The following PIAS1 variants were observed in gnomAD, a reference collection of about 807,000 sequenced individuals.
PIAS1 encodes protein inhibitor of activated STAT 1.
PIAS1 carries 6 observed loss-of-function variants against 71.3 expected under a neutral mutation model. The ratio of observed to expected loss-of-function variants is 0.08; its 90% CI spans 0.05 to 0.17. The LOEUF is 0.17. Among genes scored for constraint, PIAS1 ranks in the 10% least tolerant of loss-of-function variants. PIAS1 has a pLI of 1.00. For missense variants in PIAS1, 555 were observed against 793.6 expected (o/e 0.70, Z 3.61); for synonymous variants, 303 against 292.9 (o/e 1.03, Z -0.35).
intron 1 of PIAS1, among the ~76,000 whole-genome samples, chr15:68,072,120 C>T (rs915164754): frequency 2.0e-5 from 3 of 150,800 alleles, no homozygotes; most frequent in Non-Finnish European, 3.0e-5. Context: ...GGAAGTTGGC[C>T]GGGCGCAGTG....
intron 1 of PIAS1, among the ~76,000 whole-genome samples, chr15:68,064,993 C>G (rs1277821341): frequency 6.6e-6 from 1 of 152,092 alleles, no homozygotes; most frequent in Non-Finnish European, 1.5e-5. Context: ...GATCGCCTGC[C>G]TCGGCCTCCC....
chr15:68,180,174 T>C (rs1315655733), intron 11 of PIAS1, among the ~76,000 whole-genome samples: 1 of 152,180 alleles, frequency 6.6e-6, no homozygotes, highest in African/African-American at 2.4e-5. Context: ...CAATCACGGC[T>C]CATGCAGCCT....
At chr15:68,157,209 G>C (rs1413112240) in intron 7 of PIAS1, among the ~76,000 whole-genome samples, 1 of 152,186 alleles carries the variant, frequency 6.6e-6, no homozygotes, top group Non-Finnish European at 1.5e-5. Flanking sequence ...GATGGGATGA[G>C]ACATCCAGGT....
intron 2 of PIAS1, among the ~76,000 whole-genome samples, chr15:68,087,624 A>G (rs1183268666): frequency 6.6e-6 from 1 of 152,210 alleles, no homozygotes; most frequent in Non-Finnish European, 1.5e-5. Context: ...AAACAAAAAC[A>G]AAGAATGTGT....
chr15:68,178,137 C>A lies in PIAS1; in HGVS notation c.1481+1483C>A, dbSNP rs1160090743. On this transcript the variant is annotated intron_variant, in intron 11 of 13. Transcript: ENST00000249636. This position sits in a 1 kb window ranked among gnomAD's most constrained non-coding sequence, Gnocchi z 4.2. ...ACCAAAAAATTAGCTGGGTATGGCA[C>A]TGTGTGCCTGTTGTCCCAACTACTC... is the stretch of plus-strand genomic sequence containing the variant. 6.6e-6 allele frequency among the ~76,000 whole-genome samples: 1 copy of A among 152,174 alleles called. No individual in the cohort carries two copies. The highest frequency in any genetic ancestry group is 2.4e-5 in the African/African-American group (1 of 41,440).
At chr15:68,080,355 A>G (rs972398863) in intron 1 of PIAS1, among the ~76,000 whole-genome samples, 38 of 152,246 alleles carry the variant, frequency 2.5e-4, no homozygotes, top group African/African-American at 5.3e-4. Context: ...TGGGACCTCA[A>G]TGCAGTCAAT....
At chr15:68,177,699 G>T (rs1332795948) in intron 11 of PIAS1, among the ~76,000 whole-genome samples, 1 of 152,188 alleles carries the variant, frequency 6.6e-6, no homozygotes, top group Non-Finnish European at 1.5e-5. Context: ...TTTCTGGGGG[G>T]TGGTAAAACA....
At chr15:68,105,411 A>T (rs893260026) in intron 2 of PIAS1, among the ~76,000 whole-genome samples, 1 of 151,828 alleles carries the variant, frequency 6.6e-6, no homozygotes, top group Non-Finnish European at 1.5e-5. Context: ...AGTCAAGATT[A>T]TATTTATGTA....
Position 68,096,138 on chromosome 15 carries a change from T to C in PIAS1, c.469+9388T>C, listed in dbSNP as rs74020031. ...ATAATCTGCAGTTCCTAGAATTTTA[T>C]TTAAATGTTTATTTTGAAACTATAT... is the stretch of plus-strand genomic sequence containing the variant. On this transcript the variant is annotated intron_variant, in intron 2 of 13. Transcript: ENST00000249636. Among the ~76,000 whole-genome samples, 677 of 152,346 alleles carry C rather than the reference T, an allele frequency of 4.4e-3. 6 individuals carry two copies. Among genetic ancestry groups the C allele is most frequent in the African/African-American group, 0.015 (624 of 41,582 alleles).
intron 5 of PIAS1, 44 bp from the exon 6 acceptor site, chr15:68,146,522 A>G: frequency 6.7e-7 from 1 of 1,497,612 alleles, no homozygotes; most frequent in Non-Finnish European, 9.2e-7. Context: ...AGTCAAAATG[A>G]TTGTGGAAAT....
intron 7 of PIAS1, among the ~76,000 whole-genome samples, chr15:68,164,310 A>G (rs1330181244): frequency 6.6e-6 from 1 of 152,166 alleles, no homozygotes; most frequent in African/African-American, 2.4e-5. Flanking sequence ...AAAAATGTAT[A>G]AATGTTATTC....
rs117516846 is a variant in PIAS1, at chr15:68,159,975, A to T, written c.935-4756A>T. On this transcript the variant is annotated intron_variant, in intron 7 of 13. Transcript: ENST00000249636. Reference sequence around the variant, plus strand: ...AGATTTCAAGTGGCTCCACATCCTTACCAGCATATGGTATCATCAGGCTGC... The same window carrying T: ...AGATTTCAAGTGGCTCCACATCCTTTCCAGCATATGGTATCATCAGGCTGC... 8.9e-3 allele frequency among the ~76,000 whole-genome samples: 1,361 copies of T among 152,260 alleles called. 9 individuals are homozygous for T. The highest frequency in any genetic ancestry group is 0.015 in the Non-Finnish European group (1,041 of 67,992).
At chr15:68,126,366 C>T (rs575025720) in intron 2 of PIAS1, among the ~76,000 whole-genome samples, 4 of 152,218 alleles carry the variant, frequency 2.6e-5, no homozygotes, top group African/African-American at 4.8e-5. Flanking sequence ...CTTTGTGCAT[C>T]GTATTTTTAC....
intron 2 of PIAS1, among the ~76,000 whole-genome samples, chr15:68,108,257 A>G (rs995914073): frequency 1.3e-5 from 2 of 152,002 alleles, no homozygotes; most frequent in African/African-American, 4.8e-5. Context: ...GCTTCATTCA[A>G]TCCACTGAAA....
rs1463518498 is a variant in PIAS1 at position 68,085,247 on chromosome 15, G to A, written c.25-1059G>A. Among the ~76,000 whole-genome samples, 4 of 152,276 alleles carry A rather than the reference G, an allele frequency of 2.6e-5. No individual in the cohort carries two copies. In the East Asian group the frequency reaches 5.8e-4, roughly 22 times the overall value. The stretch of plus-strand genomic sequence containing the variant: ...TATCCTAATACTCCCTGTCAGTGGT[G>A]ATGCAATCTTTTAGGATTCTGCTAA... On this transcript the variant is annotated intron_variant, in intron 1 of 13. Coordinates refer to ENST00000249636, the MANE Select transcript of PIAS1 (RefSeq NM_016166.3).
intron 2 of PIAS1, among the ~76,000 whole-genome samples, chr15:68,108,174 T>A (rs1272288241): frequency 6.6e-5 from 10 of 152,212 alleles, no homozygotes; most frequent in Admixed American, 6.5e-4. Flanking sequence ...ATTCCATAGA[T>A]AAGTTTTCTG....
chr15:68,054,424 C>T lies in PIAS1; in HGVS notation c.24+74C>T. 6.7e-7 allele frequency: 1 copy of T among 1,481,758 alleles called. No homozygotes were observed. Among genetic ancestry groups the T allele is most frequent in the Non-Finnish European group, 9.2e-7 (1 of 1,086,328 alleles). 91.8% of individuals were successfully genotyped at this position (1,481,758 alleles called of 1,614,324 possible). ...GCCGCTGCTGCCAGGGGGGATGGGT[C>T]CGACCCTGGGGGGCCTCTCGGGCCT... On this transcript the variant is annotated intron_variant, in intron 1 of 13. Transcript: ENST00000249636. The surrounding 1 kb of genome is among the most constrained non-coding windows in gnomAD (Gnocchi z 4.6).
In PIAS1 at chr15:68,190,286, C is replaced by A. The variant is rs990308556; in HGVS notation, c.*2451C>A. On this transcript the variant is annotated 3_prime_UTR_variant, in exon 14 of 14. Transcript: ENST00000249636. The surrounding 1 kb of genome is among the most constrained non-coding windows in gnomAD (Gnocchi z 4.7). ...CCATTCAGTTGTCTTAATTTTAGTT[C>A]GTTCTACCCTGTGAGGAGTTTGTTT... is the stretch of plus-strand genomic sequence containing the variant. The A allele has an allele frequency of 9.2e-5, 14 of 152,118 alleles. No individual in the cohort carries two copies. Among genetic ancestry groups the A allele is most frequent in the Admixed American group, 2.0e-4 (3 of 15,278 alleles). The allele number at this position is 152,118 out of a possible 1,614,324, so 9.4% of individuals were successfully genotyped here.
In PIAS1 at chr15:68,134,610, G is replaced by A. The variant is rs1457122487; in HGVS notation, c.470-7336G>A. 1.7e-4 allele frequency among the ~76,000 whole-genome samples: 2 copies of A among 12,090 alleles called. 1 individual carries two copies. The highest frequency in any genetic ancestry group is 1.0e-3 in the Non-Finnish European group (2 of 2,002). 7.9% of individuals were successfully genotyped at this position (12,090 alleles called of 152,430 possible). On this transcript the variant is annotated intron_variant, in intron 2 of 13. Coordinates refer to ENST00000249636, the MANE Select transcript of PIAS1 (RefSeq NM_016166.3). ...ACCCCCCAGACGGGGCGGCTGGCCG[G>A]GCGGGGGGCTAACCCCCCCCACCTC...
Sources: gnomAD v4.1 joint callset for allele counts (sites outside exome capture counted in the v4.1 genomes callset) on GRCh38, gnomAD v4.1.1 for gene constraint, Gnocchi (gnomAD v3.1) non-coding constraint, MANE v1.5 for transcripts, NCBI Gene and HGNC (gene_info 2026-07-23, HGNC 2026-07-21) for gene names.